The following SKAP1 variants were observed in gnomAD, a reference collection of about 807,000 sequenced individuals.
SKAP1 encodes the protein src kinase-associated phosphoprotein 1.
SKAP1 carries 44 observed loss-of-function variants against 58.5 expected under a neutral mutation model. That is an observed-to-expected ratio of 0.75 (90% CI 0.59 to 0.97). SKAP1 has a LOEUF of 0.97. Ranked by LOEUF, SKAP1 falls within the 50% of genes least tolerant of loss-of-function variation. The pLI, the probability that SKAP1 is intolerant of heterozygous loss-of-function variation, is 0.00. For missense variants in SKAP1, 390 were observed against 435.2 expected (o/e 0.90, Z 0.92); for synonymous variants, 127 against 149.7 (o/e 0.85, Z 1.11).
intron 4 of SKAP1, among the ~76,000 whole-genome samples, chr17:48,257,619 T>C (rs2065437771): frequency 7.2e-6 from 1 of 138,770 alleles, no homozygotes; most frequent in African/African-American, 2.8e-5. Context: ...TTTTCTTTTT[T>C]CTTTCTTTCT....
chr17:48,389,951 C>A (rs141061445), intron 2 of SKAP1, among the ~76,000 whole-genome samples: 1 of 152,058 alleles, frequency 6.6e-6, no homozygotes, highest in Admixed American at 6.6e-5. Flanking sequence ...ATTTTTGGAA[C>A]ATTTATTTAA....
intron 4 of SKAP1, among the ~76,000 whole-genome samples, chr17:48,246,007 C>A (rs553261434): frequency 1.1e-4 from 16 of 151,952 alleles, no homozygotes; most frequent in African/African-American, 3.6e-4. Context: ...CAAAAAACAA[C>A]AAAAAAACCC....
intron 4 of SKAP1, among the ~76,000 whole-genome samples, chr17:48,275,718 C>T (rs1448930610): frequency 1.3e-5 from 2 of 152,200 alleles, no homozygotes; most frequent in African/African-American, 4.8e-5. Flanking sequence ...GGGACAGGAA[C>T]CACAGCAAAA....
At chr17:48,324,131 GA>G (rs764434963) in intron 4 of SKAP1, among the ~76,000 whole-genome samples, 5 of 151,564 alleles carry the variant, frequency 3.3e-5, no homozygotes, top group African/African-American at 1.2e-4. Context: ...GCACAAAGGG[GA>G]AAAAAAAGCA....
chr17:48,167,178 T>C (rs1472030808), intron 10 of SKAP1, among the ~76,000 whole-genome samples: 1 of 152,236 alleles, frequency 6.6e-6, no homozygotes, highest in Non-Finnish European at 1.5e-5. Flanking sequence ...GATAGTTTAT[T>C]AACTATTTCA....
At chr17:48,411,445 C>G (rs1458144613) in intron 1 of SKAP1, among the ~76,000 whole-genome samples, 1 of 143,796 alleles carries the variant, frequency 7.0e-6, no homozygotes, top group Non-Finnish European at 1.6e-5. Context: ...AAATGGGAGA[C>G]AAGAGATGAA....
At chr17:48,430,277 G>A, upstream of SKAP1, 1 of 445,812 alleles carries the variant, frequency 2.2e-6, no homozygotes, top group Non-Finnish European at 3.4e-6. Flanking sequence ...GTCCCCGGGC[G>A]CGTCAGGAAG....
intron 4 of SKAP1, among the ~76,000 whole-genome samples, chr17:48,339,475 C>G (rs1191743195): frequency 6.6e-6 from 1 of 152,108 alleles, no homozygotes; most frequent in Non-Finnish European, 1.5e-5. Context: ...AGTTAACAAG[C>G]CTAACCCCAT....
intron 4 of SKAP1, among the ~76,000 whole-genome samples, chr17:48,340,175 G>A (rs569973600): frequency 1.3e-5 from 2 of 152,070 alleles, no homozygotes; most frequent in South Asian, 4.2e-4. Flanking sequence ...GCTAGACTCC[G>A]TCTCAAATAA....
intron 4 of SKAP1, among the ~76,000 whole-genome samples, chr17:48,240,221 T>C (rs1031671442): frequency 1.5e-4 from 23 of 149,590 alleles, no homozygotes; most frequent in African/African-American, 4.7e-4. Context: ...TAAACCAGAG[T>C]AAAGGAGAAG....
chr17:48,422,399 G>T (rs1021844400), intron 1 of SKAP1, among the ~76,000 whole-genome samples: 2 of 152,074 alleles, frequency 1.3e-5, no homozygotes, highest in Admixed American at 6.5e-5. Flanking sequence ...CATTTATATG[G>T]TGTTTAGTAC....
chr17:48,162,594 A>G, intron 10 of SKAP1, 25 bp from the exon 11 acceptor site: 3 of 1,570,320 alleles, frequency 1.9e-6, no homozygotes, highest in Non-Finnish European at 2.6e-6. Context: ...GAGAAATCAA[A>G]GTTAAAAGGA....
At position 48,246,782 on chromosome 17, in the gene SKAP1, A is replaced by G. The variant is rs183770849; in HGVS notation, c.281-57282T>C. Among the ~76,000 whole-genome samples the G allele has an allele frequency of 1.4e-4, 21 of 152,304 alleles. No individual in the cohort carries two copies. The East Asian group carries it at 3.9e-3, about 28-fold the overall frequency. Reference sequence around the variant, plus strand: ...ACTGATCTCCTTGGAGCTGCTATGTACTTACAGTACTTATCACACAGCCTC... The same window carrying G: ...ACTGATCTCCTTGGAGCTGCTATGTGCTTACAGTACTTATCACACAGCCTC... On this transcript the variant is annotated intron_variant, in intron 4 of 12. Transcript: ENST00000336915.
chr17:48,415,220 G>T (rs980591195), intron 1 of SKAP1, among the ~76,000 whole-genome samples: 1 of 151,942 alleles, frequency 6.6e-6, no homozygotes, highest in African/African-American at 2.4e-5. Context: ...TACTAAAGCA[G>T]AACTCACATT....
intron 9 of SKAP1, among the ~76,000 whole-genome samples, chr17:48,171,090 G>GTTTTTTTT (rs1458338120): frequency 1.3e-5 from 1 of 74,116 alleles, no homozygotes; most frequent in African/African-American, 4.2e-5. Context: ...TTTAATTACT[G>GTTTTTTTT]TTGTTTTTTT....
intron 1 of SKAP1, among the ~76,000 whole-genome samples, chr17:48,413,514 C>CAAAAAAAAAA (rs1222640261): frequency 1.0e-5 from 1 of 99,964 alleles, no homozygotes; most frequent in African/African-American, 5.0e-5. Flanking sequence ...AACTCCGTCT[C>CAAAAAAAAAA]AAAAAAAAAA....
At chr17:48,336,575 C>A (rs2066573265) in intron 4 of SKAP1, among the ~76,000 whole-genome samples, 1 of 152,128 alleles carries the variant, frequency 6.6e-6, no homozygotes, top group African/African-American at 2.4e-5. Flanking sequence ...TAGAAAAGAG[C>A]AATGGCCTGA....
At chr17:48,436,812 C>T in the SKAP1 span, among the ~76,000 whole-genome samples, 1 of 152,174 alleles carries the variant, frequency 6.6e-6, no homozygotes, top group South Asian at 2.1e-4. Flanking sequence ...ATATCTCTCC[C>T]AAGAGCATCA....
intron 11 of SKAP1, among the ~76,000 whole-genome samples, chr17:48,141,817 T>G (rs1164206719): frequency 6.6e-6 from 1 of 152,206 alleles, no homozygotes; most frequent in Non-Finnish European, 1.5e-5. Flanking sequence ...GGCCACAGGC[T>G]CCCTCACCTT....
Sources: allele counts gnomAD v4.1 joint callset (sites outside exome capture counted in the v4.1 genomes callset), GRCh38; gene constraint gnomAD v4.1.1; transcripts MANE v1.5; gene names NCBI Gene and HGNC (gene_info 2026-07-23, HGNC 2026-07-21).